NENF: variants seen among roughly 807,000 people sequenced by gnomAD.
The protein encoded by NENF is neudesin.
NENF carries 6 observed loss-of-function variants against 14.8 expected under a neutral mutation model. That is an observed-to-expected ratio of 0.40 (90% CI 0.22 to 0.80). The LOEUF is 0.80. Among genes scored for constraint, NENF ranks in the 30% least tolerant of loss-of-function variants. The probability of loss-of-function intolerance (pLI) is 0.34; values close to 1 mark genes in which losing one functional copy is unlikely to be tolerated. For synonymous variants in NENF, 76 were observed against 95.1 expected, an observed-to-expected ratio of 0.80 and a Z score of 1.17; for missense variants, 184 against 212.7, an observed-to-expected ratio of 0.87 and a Z score of 0.84.
chr1:212,444,207 G>A lies in NENF; in HGVS notation c.239-132G>A, dbSNP rs1030166122. The A allele has an allele frequency of 1.7e-5, 8 of 482,270 alleles. No homozygotes were observed. The East Asian group carries it at 2.7e-4, about 16-fold the overall frequency. The allele number at this position is 482,270 out of a possible 1,614,324, so 29.9% of individuals were successfully genotyped here. On this transcript the variant is annotated intron_variant, in intron 2 of 3. Coordinates refer to ENST00000366988, the MANE Select transcript of NENF (RefSeq NM_013349.5). The stretch of plus-strand genomic sequence containing the variant: ...GCTTACTGGACTTTGTATCGCCATT[G>A]TTTGGCCTCTCCGTGAGCGTGGAGT...
chr1:212,440,448 A>G (rs1662683941), intron 1 of NENF, among the ~76,000 whole-genome samples: 1 of 152,184 alleles, frequency 6.6e-6, no homozygotes, highest in Admixed American at 6.5e-5. Context: ...ATCATCACAA[A>G]GAAAAATGCC....
chr1:212,434,672 C>T (rs1443682469), intron 1 of NENF: 1 of 152,166 alleles, frequency 6.6e-6, no homozygotes, highest in African/African-American at 2.4e-5. Flanking sequence ...GTGAGTAGAA[C>T]TATATGCTGG....
rs1188861675 is a variant in NENF, at chr1:212,446,062, C to A, written c.*56C>A. The A allele has an allele frequency of 6.3e-7, 1 of 1,575,638 alleles. No individual in the cohort carries two copies. Among genetic ancestry groups the A allele is most frequent in the African/African-American group, 1.4e-5 (1 of 73,960 alleles). On this transcript the variant is annotated 3_prime_UTR_variant, in exon 4 of 4. Coordinates refer to ENST00000366988, the MANE Select transcript of NENF (RefSeq NM_013349.5). Reference sequence around the variant, plus strand: ...GCGTGAGGCAGGAAGACACTAGGTGCTGAATCTCCTGCAAAACTGGCTGCC... The same window carrying A: ...GCGTGAGGCAGGAAGACACTAGGTGATGAATCTCCTGCAAAACTGGCTGCC...
chr1:212,432,920 C>G lies in NENF; in HGVS notation c.-24C>G, dbSNP rs1662539444. On this transcript the variant is annotated 5_prime_UTR_variant, in exon 1 of 4. Transcript: ENST00000366988. ...TAGGGCCCCGCCGCCCTGGCCCGGC[C>G]TTGCCTTGCGCTGCGCGCTCACCAT... 1.7e-6 allele frequency: 1 copy of G among 598,960 alleles called. No individual in the cohort carries two copies. Among genetic ancestry groups the G allele is most frequent in the Non-Finnish European group, 2.2e-6 (1 of 460,578 alleles). The allele number at this position is 598,960 out of a possible 1,614,324, so 37.1% of individuals were successfully genotyped here. A position where few individuals can be genotyped will look rare whatever the true frequency, so the allele number is the denominator to read the frequency against.
chr1:212,438,831 G>A (rs933917841), intron 1 of NENF, among the ~76,000 whole-genome samples: 4 of 152,046 alleles, frequency 2.6e-5, no homozygotes, highest in African/African-American at 9.7e-5. Flanking sequence ...TGGCCAGGCT[G>A]GTCTCAAACT....
chr1:212,433,206 C>G lies in NENF; in HGVS notation c.177+86C>G, dbSNP rs1462020758. On this transcript the variant is annotated intron_variant, in intron 1 of 3. Coordinates refer to ENST00000366988, the MANE Select transcript of NENF (RefSeq NM_013349.5). This position sits in a 1 kb window ranked among gnomAD's most constrained non-coding sequence, Gnocchi z 5.5. ...GCGGGGACCCAGGAGGCGCCGGCGG[C>G]CCAGGAAGCTCTGGGGGACGCGCGG... 1 of 912,440 alleles carries G rather than the reference C, an allele frequency of 1.1e-6. No homozygotes were observed. Among genetic ancestry groups the G allele is most frequent in the Non-Finnish European group, 1.4e-6 (1 of 725,316 alleles). 56.5% of individuals were successfully genotyped at this position (912,440 alleles called of 1,614,324 possible).
chr1:212,445,441 G>C (rs967135580), intron 3 of NENF, among the ~76,000 whole-genome samples: 9 of 152,128 alleles, frequency 5.9e-5, no homozygotes, highest in African/African-American at 1.9e-4. Context: ...AAAGGGGAAG[G>C]TGCCAAATGT....
At chr1:212,437,828 C>G (rs1662632898) in intron 1 of NENF, among the ~76,000 whole-genome samples, 1 of 152,290 alleles carries the variant, frequency 6.6e-6, no homozygotes, top group East Asian at 1.9e-4. Flanking sequence ...ATAGAAAAAT[C>G]TTTGGTATAC....
intron 1 of NENF, among the ~76,000 whole-genome samples, chr1:212,435,575 T>C (rs1334744560): frequency 7.1e-6 from 1 of 141,070 alleles, no homozygotes; most frequent in Non-Finnish European, 1.5e-5. Context: ...TGAGACAGGG[T>C]CTCACTCTAT....
Position 212,444,410 on chromosome 1 carries a change from T to G in NENF, c.310T>G (p.Ser104Ala). The change falls in exon 3 of 4, where the codon TCC (serine) becomes GCC (alanine). Residue 104 changes from serine (S) to alanine (A), a missense_variant. Transcript: ENST00000366988. ...CTCCACTAGAGGGGTAGCCAAGATG[T>G]CCTTGGATCCTGCAGACCTCACCCA... Reference protein sequence around the residue: ...KDSTRGVAKMSLDPADLTHDT... With the variant: ...KDSTRGVAKMALDPADLTHDT... The G allele has an allele frequency of 1.2e-6, 2 of 1,609,966 alleles. No individual in the cohort carries two copies. The highest frequency in any genetic ancestry group is 1.7e-6 in the Non-Finnish European group (2 of 1,177,478).
intron 1 of NENF, among the ~76,000 whole-genome samples, chr1:212,439,179 C>T (rs1264090986): frequency 6.6e-6 from 1 of 152,088 alleles, no homozygotes; most frequent in East Asian, 1.9e-4. Context: ...ATATGACTTC[C>T]TCTTCGCACT....
At chr1:212,443,508 T>C (rs1229506450) in intron 2 of NENF, among the ~76,000 whole-genome samples, 1 of 152,094 alleles carries the variant, frequency 6.6e-6, no homozygotes, top group Non-Finnish European at 1.5e-5. Context: ...TTCTCCTGCC[T>C]CAGCCTCCTG....
At chr1:212,442,968 T>G (rs777978348) in intron 2 of NENF, among the ~76,000 whole-genome samples, 2 of 152,076 alleles carry the variant, frequency 1.3e-5, no homozygotes, top group Non-Finnish European at 2.9e-5. Flanking sequence ...GTCTTGAACT[T>G]CTGACCTTGT....
At chr1:212,443,680 G>A (rs1174153187) in intron 2 of NENF, among the ~76,000 whole-genome samples, 1 of 151,990 alleles carries the variant, frequency 6.6e-6, no homozygotes, top group Non-Finnish European at 1.5e-5. Context: ...GTGAGTCACC[G>A]CACCCAGCCT....
intron 1 of NENF, among the ~76,000 whole-genome samples, chr1:212,435,205 T>G (rs1662583902): frequency 1.3e-5 from 2 of 152,326 alleles, no homozygotes; most frequent in African/African-American, 4.8e-5. Flanking sequence ...AGTCTCCACT[T>G]TGTTCGTAAG....
intron 2 of NENF, among the ~76,000 whole-genome samples, chr1:212,443,615 C>T (rs1414099282): frequency 6.6e-6 from 1 of 151,906 alleles, no homozygotes; most frequent in Non-Finnish European, 1.5e-5. Flanking sequence ...ATCTTGAACT[C>T]CTGACCTCAA....
intron 1 of NENF, among the ~76,000 whole-genome samples, chr1:212,439,474 G>A (rs1405024918): frequency 1.3e-5 from 2 of 150,268 alleles, no homozygotes; most frequent in East Asian, 2.0e-4. Context: ...CCCGGGAGGC[G>A]GAGGTTGCGA....
At chr1:212,444,792 C>T (rs945939524) in intron 3 of NENF, among the ~76,000 whole-genome samples, 1 of 152,124 alleles carries the variant, frequency 6.6e-6, no homozygotes. Flanking sequence ...CAACCTAATG[C>T]TCCTTATGGT....
chr1:212,436,224 C>T (rs1336620795), intron 1 of NENF, among the ~76,000 whole-genome samples: 2 of 150,432 alleles, frequency 1.3e-5, no homozygotes, highest in African/African-American at 2.4e-5. Flanking sequence ...GCTGGCTGGG[C>T]AAATTGGAAA....
Sources: gnomAD v4.1 joint callset for allele counts (sites outside exome capture counted in the v4.1 genomes callset) on GRCh38, gnomAD v4.1.1 for gene constraint, Gnocchi (gnomAD v3.1) non-coding constraint, MANE v1.5 for transcripts, NCBI Gene and HGNC (gene_info 2026-07-23, HGNC 2026-07-21) for gene names.